The following CDC42BPB variants were observed in gnomAD, a reference collection of about 807,000 sequenced individuals.
The protein encoded by CDC42BPB is serine/threonine-protein kinase MRCK beta.
A neutral mutation model predicts 214.9 loss-of-function variants in CDC42BPB; 37 were observed. The observed-to-expected ratio is 0.17, with a 90% CI of 0.13 to 0.23. The LOEUF is 0.23. Among genes scored for constraint, CDC42BPB ranks in the 10% least tolerant of loss-of-function variants. The pLI is 1.00. For synonymous variants in CDC42BPB, 931 were observed against 884.0 expected, an observed-to-expected ratio of 1.05 and a Z score of -0.94; for missense variants, 1,694 against 2,227.0, an observed-to-expected ratio of 0.76 and a Z score of 4.82.
At chr14:102,957,441 A>C (rs1302364930) in intron 21 of CDC42BPB, among the ~76,000 whole-genome samples, 1 of 152,164 alleles carries the variant, frequency 6.6e-6, no homozygotes, top group Non-Finnish European at 1.5e-5. Flanking sequence ...TCAGTGATCA[A>C]GCACCATCTC....
intron 9 of CDC42BPB, chr14:102,976,292 T>C: frequency 2.7e-6 from 2 of 746,570 alleles, no homozygotes; most frequent in Non-Finnish European, 3.3e-6. Context: ...GGAAATGGCA[T>C]TTCTAAATCA....
Position 102,933,435 on chromosome 14 carries a change from G to C in CDC42BPB, c.*277C>G. On this transcript the variant is annotated 3_prime_UTR_variant, in exon 37 of 37. Transcript: ENST00000361246. ...TTGGCAGGGCCCCATATGCCCTCTCGGGTTGTCAGGGGTGGGAGACAGGCT... is the reference window on the plus strand; with the variant it reads ...TTGGCAGGGCCCCATATGCCCTCTCCGGTTGTCAGGGGTGGGAGACAGGCT... The C allele has an allele frequency of 6.1e-6, 2 of 328,866 alleles. No homozygotes were observed. The highest frequency in any genetic ancestry group is 1.1e-5 in the Non-Finnish European group (2 of 182,060). The allele number at this position is 328,866 out of a possible 1,614,324, so 20.4% of individuals were successfully genotyped here. A position where few individuals can be genotyped will look rare whatever the true frequency, so the allele number is the denominator to read the frequency against.
intron 8 of CDC42BPB, among the ~76,000 whole-genome samples, chr14:102,979,691 T>C (rs186863161): frequency 5.9e-5 from 9 of 152,316 alleles, no homozygotes; most frequent in Admixed American, 5.2e-4. Context: ...TCTAAATTAA[T>C]AAGCAACGAA....
chr14:102,983,145 A>C (rs910580498), intron 7 of CDC42BPB, among the ~76,000 whole-genome samples: 2 of 152,202 alleles, frequency 1.3e-5, no homozygotes, highest in Non-Finnish European at 2.9e-5. Flanking sequence ...TAACCAGTGA[A>C]TCTAGAGCCA....
chr14:102,954,319 T>A (rs1412904334), intron 22 of CDC42BPB, 44 bp from the exon 23 acceptor site: 1 of 1,454,584 alleles, frequency 6.9e-7, no homozygotes, highest in South Asian at 1.3e-5. Context: ...CAGCTCAGCA[T>A]GGCTGAGACA....
chr14:102,988,847 AC>A (rs1301140915), intron 5 of CDC42BPB, among the ~76,000 whole-genome samples: 1 of 149,194 alleles, frequency 6.7e-6, no homozygotes, highest in Non-Finnish European at 1.5e-5. Context: ...ATACTAAAAA[AC>A]AAAACAAAAC....
chr14:102,996,993 G>C (rs2139583458), intron 5 of CDC42BPB, among the ~76,000 whole-genome samples: 1 of 152,242 alleles, frequency 6.6e-6, no homozygotes, highest in East Asian at 1.9e-4. Flanking sequence ...CAGCAATGAG[G>C]CTAAGGAAAG....
rs561165203 is a variant in CDC42BPB, at chr14:102,950,261, G to A, written c.3309+205C>T. Among the ~76,000 whole-genome samples, 267 of 152,360 alleles carry A rather than the reference G, an allele frequency of 1.8e-3. 1 individual carries two copies. Among genetic ancestry groups the A allele is most frequent in the Non-Finnish European group, 3.0e-3 (204 of 68,030 alleles). ...GGATGGACTCTGAGTGAGCGTCTGCGTGGAGGCCTCAGGATGCCCAGGCCA... is the reference window on the plus strand; with the variant it reads ...GGATGGACTCTGAGTGAGCGTCTGCATGGAGGCCTCAGGATGCCCAGGCCA... On this transcript the variant is annotated intron_variant, in intron 25 of 36. Transcript: ENST00000361246.
In CDC42BPB at chr14:102,947,733, T is replaced by A; in HGVS notation, c.3519A>T (p.Pro1173=). Residue 1173 remains proline (P), a synonymous_variant, in exon 27 of 37, where the codon CCA becomes CCT. Transcript: ENST00000361246. ...DVIHATRRDI[P]CIFRVTASLL... ...GAAAAATTCATACCCTGAATATACATGGAATATCTCGGCGTGTAGCATGAA... is the reference window on the plus strand; with the variant it reads ...GAAAAATTCATACCCTGAATATACAAGGAATATCTCGGCGTGTAGCATGAA... 6.2e-7 allele frequency: 1 copy of A among 1,611,384 alleles called. No individual in the cohort carries two copies. The highest frequency in any genetic ancestry group is 8.5e-7 in the Non-Finnish European group (1 of 1,178,760).
At chr14:102,985,527 C>T (rs1465622721) in intron 6 of CDC42BPB, among the ~76,000 whole-genome samples, 1 of 152,320 alleles carries the variant, frequency 6.6e-6, no homozygotes, top group African/African-American at 2.4e-5. Context: ...GGACAGCACC[C>T]GCCTACCAAT....
At chr14:103,023,676 T>TTC (rs1328670113) in intron 1 of CDC42BPB, among the ~76,000 whole-genome samples, 1 of 152,174 alleles carries the variant, frequency 6.6e-6, no homozygotes, top group East Asian at 1.9e-4. Flanking sequence ...TTCCTTTTTT[T>TTC]AACTGATTTT....
chr14:102,966,054 G>A (rs1488356751), intron 18 of CDC42BPB, among the ~76,000 whole-genome samples: 3 of 152,184 alleles, frequency 2.0e-5, no homozygotes, highest in South Asian at 2.1e-4. Flanking sequence ...TTGACACCAC[G>A]GAGCTCAGTG....
At chr14:102,937,418 C>T (rs1232744361) in intron 36 of CDC42BPB, among the ~76,000 whole-genome samples, 4 of 152,258 alleles carry the variant, frequency 2.6e-5, no homozygotes, top group African/African-American at 9.6e-5. Flanking sequence ...ATCTGCCCGT[C>T]CGTTCGGCAG....
intron 11 of CDC42BPB, 77 bp from the exon 12 acceptor site, chr14:102,974,226 G>T: frequency 6.4e-7 from 1 of 1,558,108 alleles, no homozygotes; most frequent in South Asian, 1.2e-5. Context: ...CTGACTTACT[G>T]ACAGGAAATT....
rs1350733378 is a variant in CDC42BPB at position 102,966,342 on chromosome 14, A to G, written c.2517T>C (p.Ala839=). The G allele has an allele frequency of 2.5e-6, 4 of 1,613,964 alleles. No homozygotes were observed. The highest frequency in any genetic ancestry group is 3.4e-6 in the Non-Finnish European group (4 of 1,179,946). ...KDARGYLQAL[A]SKMTEELEAL... ...CCTCGAGCTCTTCGGTCATCTTGGA[A>G]GCAAGAGCTTGAAGGTAACCCCGGG... Residue 839 remains alanine (A), a synonymous_variant, in exon 18 of 37, where the codon GCT becomes GCC. Transcript: ENST00000361246.
At chr14:102,974,322 T>A (rs1343220520) in intron 11 of CDC42BPB, 173 bp from the exon 12 acceptor site, 2 of 911,444 alleles carry the variant, frequency 2.2e-6, no homozygotes, top group African/African-American at 5.4e-5. Flanking sequence ...ACACACACAG[T>A]GTCATAGGCA....
intron 1 of CDC42BPB, among the ~76,000 whole-genome samples, chr14:103,041,243 C>A (rs1227867611): frequency 6.6e-6 from 1 of 152,176 alleles, no homozygotes; most frequent in Non-Finnish European, 1.5e-5. Flanking sequence ...ATGAATGTAA[C>A]CCCTCTACCT....
At chr14:102,997,855 T>C (rs1894811214) in intron 5 of CDC42BPB, among the ~76,000 whole-genome samples, 1 of 152,222 alleles carries the variant, frequency 6.6e-6, no homozygotes, top group South Asian at 2.1e-4. Flanking sequence ...CTAATCAGGA[T>C]GACGTGGAGC....
At chr14:102,964,024 G>A (rs1466066916) in intron 19 of CDC42BPB, among the ~76,000 whole-genome samples, 1 of 152,038 alleles carries the variant, frequency 6.6e-6, no homozygotes, top group African/African-American at 2.4e-5. Flanking sequence ...AATCACTGCT[G>A]TGTGAAAATG....
Sources: gnomAD v4.1 joint callset for allele counts (sites outside exome capture counted in the v4.1 genomes callset) on GRCh38, gnomAD v4.1.1 for gene constraint, MANE v1.5 for transcripts, NCBI Gene and HGNC (gene_info 2026-07-23, HGNC 2026-07-21) for gene names.